SNURF: variants seen among roughly 807,000 people sequenced by gnomAD.
The protein encoded by SNURF is SNRPN upstream open reading frame.
In SNURF, 6 loss-of-function variants were observed where a neutral mutation model predicts 11.6. The observed-to-expected ratio is 0.52, with a 90% CI of 0.28 to 1.02. The LOEUF (loss-of-function observed/expected upper bound fraction) is 1.02, where lower values mean the gene tolerates loss of function less well. Ranked by LOEUF, SNURF falls within the 50% of genes least tolerant of loss-of-function variation. The pLI is 0.09. For synonymous variants in SNURF, 29 were observed against 31.6 expected (o/e 0.92, Z 0.27); for missense variants, 84 against 88.4 (o/e 0.95, Z 0.20).
At chr15:24,973,503 T>A (rs367780130), downstream of SNURF, among the ~76,000 whole-genome samples, 6 of 152,150 alleles carry the variant, frequency 3.9e-5, no homozygotes, top group East Asian at 9.7e-4. Flanking sequence ...GTTCAAGCGA[T>A]TCTCCTACCT....
intron 3 of SNURF, chr15:24,975,298 G>A: frequency 1.5e-6 from 2 of 1,374,978 alleles, no homozygotes; most frequent in East Asian, 2.3e-5. Context: ...AGAAACAGGA[G>A]AAGATTAGAA....
chr15:24,967,783 G>T, intron 2 of SNURF, 149 bp from the exon 3 acceptor site: 1 of 683,956 alleles, frequency 1.5e-6, no homozygotes, highest in South Asian at 1.7e-5. Context: ...ACTCCAGCCT[G>T]GGCAACAGAA....
intron 3 of SNURF, chr15:24,975,285 A>G: frequency 1.7e-6 from 2 of 1,191,166 alleles, no homozygotes; most frequent in South Asian, 1.4e-5. Flanking sequence ...GTAAGGGTGG[A>G]GAAGAAACAG....
In SNURF at chr15:24,964,338, C is replaced by T. The variant is rs140752335; in HGVS notation, c.110+2129C>T. On this transcript the variant is annotated intron_variant, in intron 2 of 2. Transcript: ENST00000577949. ...TTTCATCTCTTCATTCTTTTTGAGA[C>T]GGAGTTTTGCTCTTGTTGCCCAGGA... Among the ~76,000 whole-genome samples the T allele has an allele frequency of 4.4e-3, 673 of 151,888 alleles. 2 individuals are homozygous for T. The highest frequency in any genetic ancestry group is 0.015 in the African/African-American group (617 of 41,418).
chr15:24,957,499 T>G (rs778718399), intron 1 of SNURF, among the ~76,000 whole-genome samples: 2 of 152,232 alleles, frequency 1.3e-5, no homozygotes, highest in Non-Finnish European at 2.9e-5. Context: ...CCAGTACTTT[T>G]TTAAAAAATC....
At chr15:24,974,471 A>G (rs768847432) in intron 3 of SNURF, 7 of 1,613,160 alleles carry the variant, frequency 4.3e-6, no homozygotes, top group Non-Finnish European at 5.9e-6. Flanking sequence ...GCTGTATGAT[A>G]AGGCTGAGGG....
At chr15:24,973,688 C>T (rs2076730421), downstream of SNURF, among the ~76,000 whole-genome samples, 2 of 152,218 alleles carry the variant, frequency 1.3e-5, no homozygotes, top group Admixed American at 1.3e-4. Flanking sequence ...GCGTGAGCCA[C>T]CTCACCCGGC....
intron 2 of SNURF, chr15:24,966,905 A>T (rs2075721065): frequency 6.6e-6 from 1 of 152,126 alleles, no homozygotes; most frequent in South Asian, 2.1e-4. Flanking sequence ...CAGATTTCAC[A>T]GCCAGGTTAC....
At chr15:24,955,617 G>A (rs1461939307) in intron 1 of SNURF, among the ~76,000 whole-genome samples, 2 of 148,570 alleles carry the variant, frequency 1.3e-5, no homozygotes, top group African/African-American at 2.5e-5. Flanking sequence ...GGGGGAATTC[G>A]TCGCAGTGAC....
At chr15:24,978,664 CA>C, downstream of SNURF, 1 of 583,746 alleles carries the variant, frequency 1.7e-6, no homozygotes, top group Non-Finnish European at 3.0e-6. Flanking sequence ...GCCTATTAAG[CA>C]GTTGATTCAA....
chr15:24,975,055 A>G, intron 3 of SNURF: 2 of 689,448 alleles, frequency 2.9e-6, no homozygotes, highest in Non-Finnish European at 5.3e-6. Context: ...AACACCCTAC[A>G]TCATTGTGGT....
rs116417139 is a variant in SNURF at position 24,963,302 on chromosome 15, T to C, written c.110+1093T>C. Among the ~76,000 whole-genome samples, 1,184 of 152,282 alleles carry C rather than the reference T, an allele frequency of 7.8e-3. 8 individuals are homozygous for C. The highest frequency in any genetic ancestry group is 0.027 in the African/African-American group (1,114 of 41,542). ...GTTTGCATTGTTTGGCTATTAACAATGAAAAGAACAGTCACTTTGAAAACG... is the reference window on the plus strand; with the variant it reads ...GTTTGCATTGTTTGGCTATTAACAACGAAAAGAACAGTCACTTTGAAAACG... On this transcript the variant is annotated intron_variant, in intron 2 of 2. Transcript: ENST00000577949.
chr15:24,956,356 G>T (rs974597735), intron 1 of SNURF, among the ~76,000 whole-genome samples: 2 of 149,642 alleles, frequency 1.3e-5, no homozygotes, highest in Admixed American at 1.3e-4. Context: ...CGCTTCAGCG[G>T]GGGGGTGGCC....
chr15:24,964,126 C>G (rs1439264379), intron 2 of SNURF, among the ~76,000 whole-genome samples: 1 of 150,954 alleles, frequency 6.6e-6, no homozygotes, highest in Non-Finnish European at 1.5e-5. Context: ...TTTATTTTGC[C>G]GATTTTTACT....
intron 1 of SNURF, among the ~76,000 whole-genome samples, chr15:24,956,808 C>T (rs1303734031): frequency 3.3e-5 from 5 of 152,266 alleles, no homozygotes; most frequent in African/African-American, 1.2e-4. Flanking sequence ...TGGCTAGAGG[C>T]CAGGCATTTG....
chr15:24,956,418 A>G (rs895327554), intron 1 of SNURF, among the ~76,000 whole-genome samples: 12 of 151,276 alleles, frequency 7.9e-5, no homozygotes, highest in Non-Finnish European at 1.3e-4. Context: ...GTGTGTGTTC[A>G]GCTTCTGCTG....
rs768601252 is a variant in SNURF, at chr15:24,976,862, A to G, written c.*310-15A>G. 3.7e-6 allele frequency: 6 copies of G among 1,603,784 alleles called. No homozygotes were observed. In the Admixed American group the frequency reaches 8.7e-5, roughly 23 times the overall value. On this transcript the variant is annotated splice_polypyrimidine_tract_variant and intron_variant and NMD_transcript_variant, in intron 5 of 6. Transcript: ENST00000580062. ...TAAATTGTTTGATTTTAGGCTATGAATTTTCTTGTTTCAGACTGGCATTGC... is the reference window on the plus strand; with the variant it reads ...TAAATTGTTTGATTTTAGGCTATGAGTTTTCTTGTTTCAGACTGGCATTGC...
At chr15:24,956,106 C>T (rs959751692) in intron 1 of SNURF, among the ~76,000 whole-genome samples, 1 of 152,108 alleles carries the variant, frequency 6.6e-6, no homozygotes, top group African/African-American at 2.4e-5. Flanking sequence ...CTTTAGGAAC[C>T]CTCGCTTTAG....
chr15:24,964,021 G>A (rs1429537080), intron 2 of SNURF, among the ~76,000 whole-genome samples: 1 of 151,874 alleles, frequency 6.6e-6, no homozygotes, highest in Non-Finnish European at 1.5e-5. Context: ...GACAGAATGA[G>A]ATCTAGTCTC....
Sources: allele counts gnomAD v4.1 joint callset (sites outside exome capture counted in the v4.1 genomes callset), GRCh38; gene constraint gnomAD v4.1.1; transcripts MANE v1.5; gene names NCBI Gene and HGNC (gene_info 2026-07-23, HGNC 2026-07-21).